Variants in AUTS2 observed in about 807,000 individuals in gnomAD.
AUTS2 encodes autism susceptibility gene 2 protein.
Under a neutral mutation model 112.4 loss-of-function variants are expected in AUTS2, and 17 were observed. The ratio of observed to expected loss-of-function variants is 0.15; its 90% CI spans 0.10 to 0.23. The LOEUF is 0.23. AUTS2 is among the 10% of genes least tolerant of loss of function. AUTS2 has a pLI of 1.00. For missense variants in AUTS2, 1,510 were observed against 1,701.6 expected, an observed-to-expected ratio of 0.89 and a Z score of 1.98; for synonymous variants, 751 against 702.7, an observed-to-expected ratio of 1.07 and a Z score of -1.09.
chr7:69,838,873 C>T (rs187925625), intron 1 of AUTS2, among the ~76,000 whole-genome samples: 1 of 152,244 alleles, frequency 6.6e-6, no homozygotes, highest in East Asian at 1.9e-4. Context: ...GTCCCTACAA[C>T]AAGACTCACA....
chr7:70,687,706 G>A (rs1172300886), intron 5 of AUTS2, among the ~76,000 whole-genome samples: 3 of 152,130 alleles, frequency 2.0e-5, no homozygotes, highest in African/African-American at 7.2e-5. Flanking sequence ...AGCAGTACGA[G>A]CATGAGCTAT....
chr7:70,242,557 A>G (rs1038470247), intron 4 of AUTS2, among the ~76,000 whole-genome samples: 2 of 152,194 alleles, frequency 1.3e-5, no homozygotes, highest in African/African-American at 2.4e-5. Context: ...TAGGCACTCA[A>G]TTACTTCCTC....
chr7:70,049,627 G>C (rs1246203822), intron 2 of AUTS2, among the ~76,000 whole-genome samples: 2 of 152,054 alleles, frequency 1.3e-5, no homozygotes, highest in East Asian at 3.9e-4. Flanking sequence ...CAGTCTCTTG[G>C]AAAAGTCTTA....
At chr7:70,352,355 C>G (rs1399549618) in intron 4 of AUTS2, among the ~76,000 whole-genome samples, 1 of 152,222 alleles carries the variant, frequency 6.6e-6, no homozygotes, top group Non-Finnish European at 1.5e-5. Context: ...ACTTGCCTCT[C>G]TCAGTACAGT....
rs182586065 is a variant in AUTS2, at chr7:70,384,930, G to A, written c.661-50822G>A. Among the ~76,000 whole-genome samples, 11 of 152,242 alleles carry A rather than the reference G, an allele frequency of 7.2e-5. No homozygotes were observed. In the East Asian group the frequency reaches 2.1e-3, roughly 29 times the overall value. The stretch of plus-strand genomic sequence containing the variant: ...TTGCTGGCTGCTTCCCTACACAGAA[G>A]CCAGACATGTGGTGCCAGCACCTTG... On this transcript the variant is annotated intron_variant, in intron 4 of 18. Coordinates refer to ENST00000342771, the MANE Select transcript of AUTS2 (RefSeq NM_015570.4).
At chr7:70,511,550 TTTTTCA>T (rs1799187600) in intron 5 of AUTS2, among the ~76,000 whole-genome samples, 1 of 148,534 alleles carries the variant, frequency 6.7e-6, no homozygotes, top group African/African-American at 2.5e-5. Flanking sequence ...TTTTAAACTT[TTTTTCA>T]TTTTCTTTTT....
At chr7:70,550,410 G>A (rs1800970994) in intron 5 of AUTS2, among the ~76,000 whole-genome samples, 1 of 152,106 alleles carries the variant, frequency 6.6e-6, no homozygotes, top group Non-Finnish European at 1.5e-5. Flanking sequence ...ACTAAGCTTT[G>A]AAGGATGGGG....
intron 5 of AUTS2, among the ~76,000 whole-genome samples, chr7:70,461,499 T>A (rs1796961337): frequency 6.6e-6 from 1 of 152,126 alleles, no homozygotes; most frequent in African/African-American, 2.4e-5. Flanking sequence ...TTCCCACCAT[T>A]TTCCTCTTAG....
chr7:69,696,851 AGATT>A (rs1797583725), intron 1 of AUTS2, among the ~76,000 whole-genome samples: 1 of 152,238 alleles, frequency 6.6e-6, no homozygotes, highest in African/African-American at 2.4e-5. Context: ...AGAGAGAAAC[AGATT>A]AATAAAAACC....
chr7:69,844,244 A>G (rs1030029614), intron 1 of AUTS2, among the ~76,000 whole-genome samples: 2 of 152,204 alleles, frequency 1.3e-5, no homozygotes, highest in African/African-American at 4.8e-5. Flanking sequence ...TTTAAATGAA[A>G]TAAGCCTTTC....
At chr7:70,481,714 GA>G (rs1797794450) in intron 5 of AUTS2, among the ~76,000 whole-genome samples, 1 of 152,190 alleles carries the variant, frequency 6.6e-6, no homozygotes, top group Admixed American at 6.5e-5. Flanking sequence ...CTGGGCTGGG[GA>G]ATCTAATAGG....
At chr7:70,496,826 G>A (rs1415759745) in intron 5 of AUTS2, among the ~76,000 whole-genome samples, 7 of 68,180 alleles carry the variant, frequency 1.0e-4, no homozygotes, top group African/African-American at 1.2e-4. Flanking sequence ...CATCAGCATC[G>A]ATCACACACT....
rs372177025 is a variant in AUTS2, at chr7:70,470,723, A to C, written c.690+34942A>C. Among the ~76,000 whole-genome samples the C allele has an allele frequency of 3.9e-5, 6 of 152,264 alleles. No homozygotes were observed. The East Asian group carries it at 5.8e-4, about 15-fold the overall frequency. ...ACAATCAGGAGGAGAAAAGAGGCAG[A>C]GAAGTAGAAGCCTGTGGTTGTGGAG... On this transcript the variant is annotated intron_variant, in intron 5 of 18. Transcript: ENST00000342771.
At chr7:69,907,499 C>T (rs1795194033) in intron 2 of AUTS2, among the ~76,000 whole-genome samples, 1 of 152,228 alleles carries the variant, frequency 6.6e-6, no homozygotes, top group South Asian at 2.1e-4. Context: ...CACACATCCT[C>T]TCACAAACTT....
intron 4 of AUTS2, among the ~76,000 whole-genome samples, chr7:70,303,967 G>A (rs574089199): frequency 6.6e-6 from 1 of 152,150 alleles, no homozygotes; most frequent in Non-Finnish European, 1.5e-5. Flanking sequence ...TCACATCTCT[G>A]ACTCCTCTAG....
chr7:69,783,145 G>A (rs915218369), intron 1 of AUTS2, among the ~76,000 whole-genome samples: 13 of 134,454 alleles, frequency 9.7e-5, no homozygotes, highest in African/African-American at 3.7e-4. Flanking sequence ...ATTGCCAAAC[G>A]TGCTTTGACT....
chr7:70,165,942 C>T (rs891177730), intron 4 of AUTS2, among the ~76,000 whole-genome samples: 2 of 152,100 alleles, frequency 1.3e-5, no homozygotes, highest in East Asian at 3.9e-4. Flanking sequence ...GGCAGTTCCC[C>T]ACTGCTGTTC....
chr7:70,021,777 G>T (rs951646903), intron 2 of AUTS2, among the ~76,000 whole-genome samples: 2 of 152,006 alleles, frequency 1.3e-5, no homozygotes, highest in African/African-American at 4.8e-5. Flanking sequence ...GTTTAAGAAG[G>T]TTACCCAAAT....
At position 70,479,297 on chromosome 7, in the gene AUTS2, T is replaced by C. The variant is rs185263671; in HGVS notation, c.690+43516T>C. 5.9e-5 allele frequency among the ~76,000 whole-genome samples: 9 copies of C among 152,294 alleles called. No homozygotes were observed. The East Asian group carries it at 1.2e-3, about 20-fold the overall frequency. ...TTTTATGAGTTACTGTGTTGTAAGG[T>C]TGGGGAAAGGACACTTGGAGCCATT... On this transcript the variant is annotated intron_variant, in intron 5 of 18. Coordinates refer to ENST00000342771, the MANE Select transcript of AUTS2 (RefSeq NM_015570.4).
Sources: allele counts gnomAD v4.1 joint callset (sites outside exome capture counted in the v4.1 genomes callset), GRCh38; gene constraint gnomAD v4.1.1; transcripts MANE v1.5; gene names NCBI Gene and HGNC (gene_info 2026-07-23, HGNC 2026-07-21).